Variants in SDK2 observed in about 807,000 individuals in gnomAD.
The protein encoded by SDK2 is sidekick cell adhesion molecule 2, also known as protein sidekick-2.
A neutral mutation model predicts 253.9 loss-of-function variants in SDK2; 105 were observed. The observed-to-expected ratio is 0.41, with a 90% confidence interval of 0.35 to 0.49. The LOEUF (loss-of-function observed/expected upper bound fraction) is 0.49, where lower values mean the gene tolerates loss of function less well. SDK2 is among the 20% of genes least tolerant of loss of function. The pLI is 0.06. For synonymous variants in SDK2, 1,249 were observed against 1,234.9 expected (o/e 1.01, Z -0.24); for missense variants, 2,608 against 3,003.0 (o/e 0.87, Z 3.07).
chr17:73,567,074 G>A (rs796102846), intron 1 of SDK2, among the ~76,000 whole-genome samples: 1 of 152,192 alleles, frequency 6.6e-6, no homozygotes, highest in Non-Finnish European at 1.5e-5. Flanking sequence ...ACATTTGGAA[G>A]GTCTTTGGGG....
In SDK2 at chr17:73,401,912, G is replaced by A. The variant is rs76839449; in HGVS notation, c.2680+34C>T. On this transcript the variant is annotated intron_variant, in intron 19 of 44. Transcript: ENST00000392650. The stretch of plus-strand genomic sequence containing the variant: ...GCGCCCAGCCTGGCCTTGGGCGGGG[G>A]GGGGCAGAAAGAGCAGGGCTGGGGG... 8.2e-3 allele frequency: 12,270 copies of A among 1,502,338 alleles called. 764 individuals carry two copies. In the African/African-American group the frequency reaches 0.14, roughly 17 times the overall value. 93.1% of individuals were successfully genotyped at this position (1,502,338 alleles called of 1,614,324 possible).
chr17:73,573,209 C>T (rs1199867005), intron 1 of SDK2, among the ~76,000 whole-genome samples: 4 of 152,178 alleles, frequency 2.6e-5, no homozygotes, highest in Admixed American at 6.5e-5. Flanking sequence ...GGCCAGCAGG[C>T]GGTCGTTGGG....
At chr17:73,413,637 T>C (rs2063156973) in intron 18 of SDK2, among the ~76,000 whole-genome samples, 1 of 152,226 alleles carries the variant, frequency 6.6e-6, no homozygotes, top group Non-Finnish European at 1.5e-5. Context: ...GTGTTTGTCA[T>C]TGTGCTGAAC....
intron 33 of SDK2, among the ~76,000 whole-genome samples, chr17:73,381,351 A>G (rs35551526): frequency 0.34 from 51,289 of 151,958 alleles, 10,948 homozygotes; most frequent in Non-Finnish European, 0.48. Context: ...CAATTTTACT[A>G]CTAGGAAATA....
rs2046370620 is a variant in SDK2 at position 73,639,448 on chromosome 17, ACCCGGGGTGTCTCGGC to A, written c.64+4561_64+4576del. ...GGGTGGGACACCTAGGGGAGGGGGC[ACCCGGGGTGTCTCGGC>A]AACCAGCTTGTTTTCCTTTCCATTA... On this transcript the variant is annotated intron_variant, in intron 1 of 44. Coordinates refer to ENST00000392650, the MANE Select transcript of SDK2 (RefSeq NM_001144952.2). The surrounding 1 kb of genome is among the most constrained non-coding windows in gnomAD (Gnocchi z 4.3). Among the ~76,000 whole-genome samples the A allele has an allele frequency of 1.3e-5, 2 of 151,800 alleles. No individual in the cohort carries two copies. Among genetic ancestry groups the A allele is most frequent in the African/African-American group, 4.8e-5 (2 of 41,354 alleles).
In SDK2 at chr17:73,383,849, T is replaced by C. The variant is rs2062851076; in HGVS notation, c.4705+27A>G. 14 of 1,613,044 alleles carry C rather than the reference T, an allele frequency of 8.7e-6. No individual in the cohort carries two copies. Among genetic ancestry groups the C allele is most frequent in the Non-Finnish European group, 9.3e-6 (11 of 1,179,262 alleles). On this transcript the variant is annotated intron_variant, in intron 33 of 44. Coordinates refer to ENST00000392650, the MANE Select transcript of SDK2 (RefSeq NM_001144952.2). The surrounding 1 kb of genome is among the most constrained non-coding windows in gnomAD (Gnocchi z 4.3). ...AGGGTGACCGCCCCCATCCCACCCA[T>C]TCCTCTGGCTCCCAAGTGTCACTCA...
intron 4 of SDK2, among the ~76,000 whole-genome samples, chr17:73,454,037 AT>A (rs1404788659): frequency 6.6e-6 from 1 of 152,218 alleles, no homozygotes; most frequent in African/African-American, 2.4e-5. Context: ...AATACTTACC[AT>A]TGTGTTACAA....
At chr17:73,433,053 A>G (rs1013579616) in intron 10 of SDK2, among the ~76,000 whole-genome samples, 32 of 152,112 alleles carry the variant, frequency 2.1e-4, no homozygotes, top group Admixed American at 2.0e-4. Flanking sequence ...AATAATATTC[A>G]TCATCAAGCA....
chr17:73,550,368 C>T (rs896447510), intron 1 of SDK2, among the ~76,000 whole-genome samples: 7 of 152,280 alleles, frequency 4.6e-5, no homozygotes, highest in East Asian at 1.9e-4. Flanking sequence ...CCCTTTGTCC[C>T]GCTGGGAAAA....
intron 29 of SDK2, 122 bp from the exon 30 acceptor site, chr17:73,388,159 C>T (rs2062890489): frequency 1.5e-6 from 1 of 688,406 alleles, no homozygotes; most frequent in African/African-American, 1.8e-5. Flanking sequence ...CTTCCCATCC[C>T]AATTCCATGC....
chr17:73,475,076 G>T (rs2063676881), intron 2 of SDK2, among the ~76,000 whole-genome samples: 1 of 152,180 alleles, frequency 6.6e-6, no homozygotes, highest in South Asian at 2.1e-4. Context: ...CAGCCTTTGG[G>T]AAAAAGTCTA....
intron 2 of SDK2, among the ~76,000 whole-genome samples, chr17:73,499,568 C>A (rs1168904051): frequency 1.3e-5 from 2 of 152,348 alleles, no homozygotes; most frequent in African/African-American, 2.4e-5. Context: ...GCCCCCGGGG[C>A]AGAAGAATGA....
intron 1 of SDK2, among the ~76,000 whole-genome samples, chr17:73,528,140 T>C (rs1171650157): frequency 1.3e-5 from 2 of 152,098 alleles, no homozygotes; most frequent in African/African-American, 4.8e-5. Flanking sequence ...TGCTAGCCAG[T>C]CCTGGACCCC....
chr17:73,405,512 AT>A (rs1325633533), intron 18 of SDK2, among the ~76,000 whole-genome samples: 4,800 of 61,422 alleles, frequency 0.078, 1,343 homozygotes, highest in Non-Finnish European at 0.11. Context: ...ATATATATAT[AT>A]ATATAAAGAT....
intron 1 of SDK2, among the ~76,000 whole-genome samples, chr17:73,637,646 A>T (rs1383331443): frequency 6.6e-6 from 1 of 152,224 alleles, no homozygotes; most frequent in Non-Finnish European, 1.5e-5. Context: ...AAGTGCTGGG[A>T]TTACAGGCAT....
intron 24 of SDK2, among the ~76,000 whole-genome samples, chr17:73,396,168 C>T (rs1240602350): frequency 6.6e-6 from 1 of 152,184 alleles, no homozygotes; most frequent in African/African-American, 2.4e-5. Flanking sequence ...CCACCACGCC[C>T]AACCAGCCTC....
intron 1 of SDK2, among the ~76,000 whole-genome samples, chr17:73,544,480 G>A (rs1055395342): frequency 6.6e-6 from 1 of 152,216 alleles, no homozygotes; most frequent in Non-Finnish European, 1.5e-5. Flanking sequence ...CTTATTGGAT[G>A]GAGGAGTGGA....
Position 73,610,493 on chromosome 17 carries a change from G to A in SDK2, c.64+33532C>T, listed in dbSNP as rs142393650. 2.3e-3 allele frequency among the ~76,000 whole-genome samples: 350 copies of A among 152,296 alleles called. 1 individual carries two copies. Among genetic ancestry groups the A allele is most frequent in the Non-Finnish European group, 4.0e-3 (274 of 68,040 alleles). Reference sequence around the variant, plus strand: ...AAATCCCAGTGACAGCATGCATGACGCTTGGTATCTGGGTCACTCACTGGG... The same window carrying A: ...AAATCCCAGTGACAGCATGCATGACACTTGGTATCTGGGTCACTCACTGGG... On this transcript the variant is annotated intron_variant, in intron 1 of 44. Transcript: ENST00000392650.
Position 73,612,893 on chromosome 17 carries a change from G to T in SDK2, c.64+31132C>A, listed in dbSNP as rs559295561. Among the ~76,000 whole-genome samples, 1 of 151,858 alleles carries T rather than the reference G, an allele frequency of 6.6e-6. No individual in the cohort carries two copies. The highest frequency in any genetic ancestry group is 1.9e-4 in the East Asian group (1 of 5,176). ...GATCGCGCCATTGCACTCCAGCCTG[G>T]GTGACAGAGCGAGACTCCGTCTCAA... On this transcript the variant is annotated intron_variant, in intron 1 of 44. Transcript: ENST00000392650. This position sits in a 1 kb window ranked among gnomAD's most constrained non-coding sequence, Gnocchi z 4.4.
Sources: gnomAD v4.1 joint callset for allele counts (sites outside exome capture counted in the v4.1 genomes callset) on GRCh38, gnomAD v4.1.1 for gene constraint, Gnocchi (gnomAD v3.1) non-coding constraint, MANE v1.5 for transcripts, NCBI Gene and HGNC (gene_info 2026-07-23, HGNC 2026-07-21) for gene names.